Variants in NUP155 observed in about 807,000 individuals in gnomAD.
The protein encoded by NUP155 is nucleoporin 155.
In NUP155, 71 loss-of-function variants were observed where a neutral mutation model predicts 180.4. That is an observed-to-expected ratio of 0.39 (90% CI 0.33 to 0.48). The LOEUF is 0.48. NUP155 is among the 20% of genes least tolerant of loss of function. The probability of loss-of-function intolerance (pLI) is 0.91; values close to 1 mark genes in which losing one functional copy is unlikely to be tolerated. For synonymous variants in NUP155, 582 were observed against 559.5 expected (o/e 1.04, Z -0.57); for missense variants, 1,553 against 1,648.9 (o/e 0.94, Z 1.01).
chr5:37,345,438 G>A (rs111416142), intron 9 of NUP155, among the ~76,000 whole-genome samples: 5,697 of 150,000 alleles, frequency 0.038, 376 homozygotes, highest in African/African-American at 0.13. Flanking sequence ...AGCCTGGGAG[G>A]AGGAGGAGGC....
In NUP155 at chr5:37,310,647, A is replaced by G. The variant is rs558185229; in HGVS notation, c.2533T>C (p.Tyr845His). 6.3e-5 allele frequency: 101 copies of G among 1,613,642 alleles called. 1 individual carries two copies. The South Asian group carries it at 1.0e-3, about 16-fold the overall frequency. The change falls in exon 23 of 35, where the codon TAC becomes CAC. Residue 845 changes from tyrosine (Y) to histidine (H), a missense_variant. Coordinates refer to ENST00000231498, the MANE Select transcript of NUP155 (RefSeq NM_153485.3). ...TCAACAGCGGCATTATCTCTGATGT[A>G]GCAGTTGATAAGAGAAGCAATTAAT... is the stretch of plus-strand genomic sequence containing the variant. ...GALIASLINC[Y>H]IRDNAAVDGI...
At chr5:37,303,209 C>T (rs1742960908) in intron 28 of NUP155, 51 bp downstream of exon 28, 4 of 1,589,584 alleles carry the variant, frequency 2.5e-6, no homozygotes, top group Non-Finnish European at 3.5e-6. Flanking sequence ...AATGTAAGTA[C>T]ATATAGCTCA....
At chr5:37,352,711 A>T in intron 5 of NUP155, 26 bp downstream of exon 5, 1 of 1,498,656 alleles carries the variant, frequency 6.7e-7, no homozygotes, top group Non-Finnish European at 9.3e-7. Flanking sequence ...TTATTTTAAA[A>T]AACGTTAACA....
chr5:37,363,184 T>C (rs1217511505), intron 3 of NUP155, among the ~76,000 whole-genome samples: 1 of 152,168 alleles, frequency 6.6e-6, no homozygotes, highest in Non-Finnish European at 1.5e-5. Context: ...AGTGCTGGGA[T>C]TATAGGCGTT....
At chr5:37,304,160 G>A (rs1743018127) in intron 27 of NUP155, among the ~76,000 whole-genome samples, 1 of 149,410 alleles carries the variant, frequency 6.7e-6, no homozygotes, top group African/African-American at 2.5e-5. Context: ...TGAAGCAGGA[G>A]GATTGCTGGA....
At chr5:37,311,215 T>G (rs751565061) in intron 22 of NUP155, among the ~76,000 whole-genome samples, 34 of 152,190 alleles carry the variant, frequency 2.2e-4, no homozygotes, top group Non-Finnish European at 4.6e-4. Flanking sequence ...AGTAAAAGAT[T>G]CTGTTAGTGA....
In NUP155 at chr5:37,314,294, T is replaced by C; in HGVS notation, c.2340A>G (p.Ala780=). The C allele has an allele frequency of 6.2e-7, 1 of 1,609,656 alleles. No individual in the cohort carries two copies. The highest frequency in any genetic ancestry group is 8.5e-7 in the Non-Finnish European group (1 of 1,176,256). ...ATGATTTTCGAACCAACTGCTGAAT[T>C]GCCTGAAGTGAAATCTTTTCACTTA... The part of the protein sequence containing the change: ...AQLSEKISLQ[A]IQQLVRKSYQ... Residue 780 remains alanine, a synonymous_variant, in exon 22 of 35, where the codon GCA becomes GCG. Coordinates refer to ENST00000231498, the MANE Select transcript of NUP155 (RefSeq NM_153485.3).
At chr5:37,323,586 TATAA>T (rs931893656) in intron 20 of NUP155, among the ~76,000 whole-genome samples, 1 of 150,084 alleles carries the variant, frequency 6.7e-6, no homozygotes, top group Non-Finnish European at 1.5e-5. Context: ...ACTATATTTC[TATAA>T]ATATTCCATT....
rs1463743201 is a variant in NUP155, at chr5:37,326,701, T to C, written c.2025-734A>G. On this transcript the variant is annotated intron_variant, in intron 18 of 34. Transcript: ENST00000231498. ...ATATAACCTTGAACATGTGAGAGTC[T>C]AGCCAAGATAAGCATAGCTCTCTTT... 2.0e-5 allele frequency among the ~76,000 whole-genome samples: 3 copies of C among 152,330 alleles called. No homozygotes were observed. In the East Asian group the frequency reaches 5.8e-4, roughly 29 times the overall value.
intron 24 of NUP155, among the ~76,000 whole-genome samples, chr5:37,308,875 CAAAAA>C (rs59572976): frequency 2.9e-5 from 2 of 68,858 alleles, no homozygotes; most frequent in Admixed American, 1.5e-4. Flanking sequence ...GCGAGACTCT[CAAAAA>C]AAAAAAAAAA....
In NUP155 at chr5:37,288,768, A is replaced by AGTCGGGGGG. The variant is rs1561759043; in HGVS notation, c.*3131_*3132insCCCCCCGAC. 1.0e-4 allele frequency: 2 copies of AGTCGGGGGG among 19,668 alleles called. No individual in the cohort carries two copies. Among genetic ancestry groups the AGTCGGGGGG allele is most frequent in the Non-Finnish European group, 3.3e-4 (2 of 6,138 alleles). The allele number at this position is 19,668 out of a possible 1,614,324, so 1.2% of individuals were successfully genotyped here. A position where few individuals can be genotyped will look rare whatever the true frequency, so the allele number is the denominator to read the frequency against. On this transcript the variant is annotated 3_prime_UTR_variant, in exon 35 of 35. Transcript: ENST00000231498. ...AAATTAAAAAAAAAAAAAAAAAAAAAGTAGGGGGGGTGGGGCTAGGCGCAG... is the reference window on the plus strand; with the variant it reads ...AAATTAAAAAAAAAAAAAAAAAAAAAGTCGGGGGGGTAGGGGGGGTGGGGCTAGGCGCAG...
chr5:37,321,520 C>T (rs1435476864), intron 20 of NUP155, among the ~76,000 whole-genome samples: 1 of 151,994 alleles, frequency 6.6e-6, no homozygotes, highest in African/African-American at 2.4e-5. Context: ...AGATCGAGAC[C>T]ATCCTGGGCA....
intron 1 of NUP155, among the ~76,000 whole-genome samples, chr5:37,368,947 G>T (rs964921464): frequency 1.2e-4 from 19 of 152,216 alleles, no homozygotes; most frequent in Admixed American, 1.1e-3. Context: ...CTTTAGTGAG[G>T]ATGGGAATGC....
In NUP155 at chr5:37,331,715, T is replaced by G; in HGVS notation, c.1599A>C (p.Glu533Asp). The change falls in exon 14 of 35, where the codon GAA becomes GAC. Residue 533 changes from glutamate to aspartate, a missense_variant. Glu to Asp is a conservative substitution (Grantham distance 45, BLOSUM62 2). Transcript: ENST00000231498. ...LLVSNVGGDGEEIERFFKLHQ... is the reference protein window; with the variant it reads ...LLVSNVGGDGDEIERFFKLHQ... ...GTAATTTAAAGAATCTTTCAATCTC[T>G]TCTCCATCTCCTCCCACATTACTCA... is the stretch of plus-strand genomic sequence containing the variant. 1 of 1,606,828 alleles carries G rather than the reference T, an allele frequency of 6.2e-7. No individual in the cohort carries two copies. Among genetic ancestry groups the G allele is most frequent in the African/African-American group, 1.3e-5 (1 of 74,946 alleles).
At chr5:37,351,768 A>C (rs1230534683) in intron 5 of NUP155, among the ~76,000 whole-genome samples, 9 of 152,076 alleles carry the variant, frequency 5.9e-5, no homozygotes, top group Non-Finnish European at 1.3e-4. Flanking sequence ...TCTTACTGAC[A>C]ATTAACATAG....
chr5:37,324,531 G>A (rs1278366548), intron 19 of NUP155, among the ~76,000 whole-genome samples: 1 of 151,662 alleles, frequency 6.6e-6, no homozygotes, highest in Non-Finnish European at 1.5e-5. Flanking sequence ...ACTGTGTTAG[G>A]CAAATACACT....
intron 25 of NUP155, among the ~76,000 whole-genome samples, chr5:37,306,240 G>GA (rs1029361284): frequency 0.015 from 2,191 of 148,806 alleles, 61 homozygotes; most frequent in African/African-American, 0.052. Context: ...AAATTAAAGA[G>GA]AAAAAAAAAA....
chr5:37,294,813 A>G (rs546041688), intron 32 of NUP155, among the ~76,000 whole-genome samples: 1 of 152,292 alleles, frequency 6.6e-6, no homozygotes, highest in South Asian at 2.1e-4. Context: ...AATCTAAAGT[A>G]GATTAGTGGC....
intron 20 of NUP155, among the ~76,000 whole-genome samples, chr5:37,318,841 C>A (rs1185619738): frequency 6.6e-6 from 1 of 151,826 alleles, no homozygotes; most frequent in Non-Finnish European, 1.5e-5. Flanking sequence ...GAAAAAAACA[C>A]AAAAAAATTT....
Sources: allele counts gnomAD v4.1 joint callset (sites outside exome capture counted in the v4.1 genomes callset), GRCh38; gene constraint gnomAD v4.1.1; transcripts MANE v1.5; gene names NCBI Gene and HGNC (gene_info 2026-07-23, HGNC 2026-07-21).